PPARGC1A: variants seen among roughly 807,000 people sequenced by gnomAD.
PPARGC1A encodes the protein PPARG coactivator 1 alpha, also known as peroxisome proliferator-activated receptor gamma coactivator 1-alpha.
In PPARGC1A, 25 loss-of-function variants were observed where a neutral mutation model predicts 88.7. The observed-to-expected ratio is 0.28, with a 90% CI of 0.21 to 0.39. PPARGC1A has a LOEUF of 0.39. PPARGC1A is among the 10% of genes least tolerant of loss of function. PPARGC1A has a pLI of 1.00. For synonymous variants in PPARGC1A, 363 were observed against 355.6 expected (o/e 1.02, Z -0.24); for missense variants, 880 against 968.7 (o/e 0.91, Z 1.22).
At chr4:24,017,562 G>A in the PPARGC1A span, among the ~76,000 whole-genome samples, 93,002 of 151,912 alleles carry the variant, frequency 0.61, 29,392 homozygotes, top group African/African-American at 0.76. Context: ...CTACAAAGCA[G>A]CAAGGAAAGA....
chr4:24,246,331 G>A, the PPARGC1A span, among the ~76,000 whole-genome samples: 4 of 152,276 alleles, frequency 2.6e-5, no homozygotes, highest in South Asian at 8.3e-4. Flanking sequence ...CCAAAGAAAT[G>A]TCTTCAATAA....
chr4:24,285,585 G>A, the PPARGC1A span, among the ~76,000 whole-genome samples: 9 of 152,324 alleles, frequency 5.9e-5, no homozygotes, highest in African/African-American at 1.9e-4. Context: ...TAAATGACTT[G>A]CTCAAGATAA....
At chr4:24,284,943 G>A in the PPARGC1A span, among the ~76,000 whole-genome samples, 45 of 152,172 alleles carry the variant, frequency 3.0e-4, no homozygotes, top group South Asian at 7.9e-3. Flanking sequence ...CAGGGGAATC[G>A]TTTGAACCCA....
chr4:24,000,724 T>C, the PPARGC1A span, among the ~76,000 whole-genome samples: 1 of 152,178 alleles, frequency 6.6e-6, no homozygotes, highest in Non-Finnish European at 1.5e-5. Flanking sequence ...CACGATTTGA[T>C]GATAAATCAG....
At chr4:24,207,901 T>C in the PPARGC1A span, among the ~76,000 whole-genome samples, 5 of 152,106 alleles carry the variant, frequency 3.3e-5, no homozygotes, top group African/African-American at 7.2e-5. Flanking sequence ...AATGGAACAA[T>C]TAGACAATTC....
At chr4:24,394,341 G>C in the PPARGC1A span, among the ~76,000 whole-genome samples, 4 of 152,278 alleles carry the variant, frequency 2.6e-5, no homozygotes, top group African/African-American at 9.6e-5. Flanking sequence ...CTGAGAGAAG[G>C]ATACAAGGAG....
the PPARGC1A span, among the ~76,000 whole-genome samples, chr4:24,145,245 A>G: frequency 6.6e-6 from 1 of 152,048 alleles, no homozygotes; most frequent in Non-Finnish European, 1.5e-5. Context: ...TTTGCCCAAA[A>G]CACTCAGCTA....
chr4:24,130,910 C>T, the PPARGC1A span, among the ~76,000 whole-genome samples: 1 of 152,286 alleles, frequency 6.6e-6, no homozygotes, highest in African/African-American at 2.4e-5. Flanking sequence ...ATATGGTCTG[C>T]ACTGTCCCCT....
the PPARGC1A span, among the ~76,000 whole-genome samples, chr4:24,181,701 C>T: frequency 6.6e-6 from 1 of 152,040 alleles, no homozygotes; most frequent in Non-Finnish European, 1.5e-5. Flanking sequence ...TTCCAAGACA[C>T]CTTGACAAAG....
the PPARGC1A span, among the ~76,000 whole-genome samples, chr4:24,370,678 G>T: frequency 6.8e-6 from 1 of 147,100 alleles, no homozygotes; most frequent in East Asian, 2.1e-4. Context: ...CAGCCAGAGA[G>T]CAGAAACAAG....
the PPARGC1A span, among the ~76,000 whole-genome samples, chr4:24,134,194 A>G: frequency 5.9e-5 from 9 of 152,330 alleles, no homozygotes; most frequent in African/African-American, 2.2e-4. Flanking sequence ...ATTGCAATAA[A>G]CCCCATATCA....
intron 8 of PPARGC1A, 38 bp downstream of exon 8, chr4:23,813,652 A>C (rs1431500557): frequency 6.9e-7 from 1 of 1,445,720 alleles, no homozygotes; most frequent in East Asian, 2.3e-5. Context: ...ACTTCTTAGG[A>C]ACACCTTTTG....
chr4:24,294,462 C>T, the PPARGC1A span, among the ~76,000 whole-genome samples: 1 of 152,068 alleles, frequency 6.6e-6, no homozygotes, highest in African/African-American at 2.4e-5. Flanking sequence ...TTATCTATTA[C>T]TACAAATTAT....
At chr4:23,796,009 C>A in intron 12 of PPARGC1A, 84 bp from the exon 13 acceptor site, 6 of 902,176 alleles carry the variant, frequency 6.7e-6, no homozygotes, top group South Asian at 4.2e-5. Flanking sequence ...TTACTGGATT[C>A]GATAACAACT....
At chr4:24,268,388 A>C in the PPARGC1A span, among the ~76,000 whole-genome samples, 1 of 152,186 alleles carries the variant, frequency 6.6e-6, no homozygotes, top group Admixed American at 6.5e-5. Context: ...TCCAGTTTTT[A>C]ATGATGGCCT....
At chr4:24,010,825 C>T in the PPARGC1A span, among the ~76,000 whole-genome samples, 5 of 152,120 alleles carry the variant, frequency 3.3e-5, no homozygotes, top group Non-Finnish European at 5.9e-5. Context: ...AACAGAAATG[C>T]TGTAAATTGT....
At chr4:23,984,548 A>T in the PPARGC1A span, among the ~76,000 whole-genome samples, 126,103 of 152,060 alleles carry the variant, frequency 0.83, 52,406 homozygotes, top group Non-Finnish European at 0.84. Flanking sequence ...ATAAAAGAAA[A>T]GGATGCTTTA....
At chr4:24,155,002 C>T in the PPARGC1A span, among the ~76,000 whole-genome samples, 1 of 152,006 alleles carries the variant, frequency 6.6e-6, no homozygotes, top group South Asian at 2.1e-4. Flanking sequence ...GAAGTAAAAA[C>T]CAGCATGATG....
chr4:24,080,007 T>C, the PPARGC1A span, among the ~76,000 whole-genome samples: 162 of 152,210 alleles, frequency 1.1e-3, no homozygotes, highest in Non-Finnish European at 1.9e-3. Context: ...CTTCTTTTTC[T>C]AATTTTTTTA....
Sources: allele counts gnomAD v4.1 joint callset (sites outside exome capture counted in the v4.1 genomes callset), GRCh38; gene constraint gnomAD v4.1.1; transcripts MANE v1.5; gene names NCBI Gene and HGNC (gene_info 2026-07-23, HGNC 2026-07-21).